Variants in THAP4 observed in about 807,000 individuals in gnomAD.
THAP4 encodes the protein peroxynitrite isomerase THAP4.
Under a neutral mutation model 48.1 loss-of-function variants are expected in THAP4, and 18 were observed. The observed-to-expected ratio is 0.37, with a 90% CI of 0.26 to 0.56. The LOEUF (loss-of-function observed/expected upper bound fraction) is 0.56, where lower values mean the gene tolerates loss of function less well. Among genes scored for constraint, THAP4 ranks in the 20% least tolerant of loss-of-function variants. The probability of loss-of-function intolerance (pLI) is 0.78; values close to 1 mark genes in which losing one functional copy is unlikely to be tolerated. For missense variants in THAP4, 656 were observed against 774.9 expected, an observed-to-expected ratio of 0.85 and a Z score of 1.82; for synonymous variants, 345 against 324.9, an observed-to-expected ratio of 1.06 and a Z score of -0.66.
intron 5 of THAP4, among the ~76,000 whole-genome samples, chr2:241,596,942 A>G (rs919866363): frequency 6.6e-6 from 1 of 152,206 alleles, no homozygotes; most frequent in Non-Finnish European, 1.5e-5. Flanking sequence ...ATGACTGTAC[A>G]CTACCATAGA....
At position 241,610,228 on chromosome 2, in the gene THAP4, G is replaced by T. The variant is rs533622899; in HGVS notation, c.1241-3755C>A. ...CGGGCTAGGGTGAGGGGCACGCGCC[G>T]CAAGTCCTGCCTCTGCTCCCGGGCG... On this transcript the variant is annotated intron_variant, in intron 2 of 5. Coordinates refer to ENST00000407315, the MANE Select transcript of THAP4 (RefSeq NM_015963.6). The surrounding 1 kb of genome is among the most constrained non-coding windows in gnomAD (Gnocchi z 4.2). Among the ~76,000 whole-genome samples, 2 of 152,160 alleles carry T rather than the reference G, an allele frequency of 1.3e-5. No individual in the cohort carries two copies. Among genetic ancestry groups the T allele is most frequent in the Non-Finnish European group, 2.9e-5 (2 of 68,008 alleles).
At chr2:241,611,724 CAAAAAAA>C (rs556777493) in intron 2 of THAP4, among the ~76,000 whole-genome samples, 3 of 97,702 alleles carry the variant, frequency 3.1e-5, no homozygotes, top group Admixed American at 1.1e-4. Flanking sequence ...ACTCTGTCTC[CAAAAAAA>C]AAAAAAAAAA....
rs1575012675 is a variant in THAP4, at chr2:241,584,534, A to G, written c.*72T>C. On this transcript the variant is annotated 3_prime_UTR_variant, in exon 6 of 6. Coordinates refer to ENST00000407315, the MANE Select transcript of THAP4 (RefSeq NM_015963.6). The stretch of plus-strand genomic sequence containing the variant: ...GGCCACACCCACTTCTGCCGCAGGG[A>G]CTGTCTGTTGAGGAGCCGAACCGTT... 1.3e-6 allele frequency: 2 copies of G among 1,559,190 alleles called. No individual in the cohort carries two copies. Among genetic ancestry groups the G allele is most frequent in the Non-Finnish European group, 1.8e-6 (2 of 1,133,188 alleles).
chr2:241,629,102 C>G (rs1307262011), intron 2 of THAP4, among the ~76,000 whole-genome samples: 2 of 151,996 alleles, frequency 1.3e-5, no homozygotes, highest in African/African-American at 4.8e-5. Context: ...CAGCCTCCAC[C>G]TAGGGAAGGT....
chr2:241,594,644 G>T, intron 5 of THAP4: 1 of 273,634 alleles, frequency 3.7e-6, no homozygotes, highest in Non-Finnish European at 7.3e-6. Context: ...TGTGGCCCCA[G>T]CTACTTGGGA....
At chr2:241,608,830 C>A (rs981016992) in intron 2 of THAP4, among the ~76,000 whole-genome samples, 1 of 152,232 alleles carries the variant, frequency 6.6e-6, no homozygotes, top group Non-Finnish European at 1.5e-5. Flanking sequence ...CCAAAAGGGA[C>A]AAGGACACCC....
chr2:241,614,225 G>A (rs964886130), intron 2 of THAP4, among the ~76,000 whole-genome samples: 2 of 151,604 alleles, frequency 1.3e-5, no homozygotes, highest in Non-Finnish European at 2.9e-5. Flanking sequence ...TGCTGTAAAT[G>A]AGAGATGCAC....
At chr2:241,587,847 G>A (rs959676523) in intron 5 of THAP4, among the ~76,000 whole-genome samples, 1 of 151,942 alleles carries the variant, frequency 6.6e-6, no homozygotes, top group African/African-American at 2.4e-5. Flanking sequence ...CTGGCGAGGT[G>A]GGGGTTGCAG....
intron 5 of THAP4, 114 bp from the exon 6 acceptor site, chr2:241,584,839 GC>G: frequency 7.2e-7 from 1 of 1,382,078 alleles, no homozygotes; most frequent in Non-Finnish European, 1.0e-6. Flanking sequence ...CCAGGCAGTG[GC>G]CCTGCCAGAG....
chr2:241,598,579 T>C (rs2067077654), intron 5 of THAP4, among the ~76,000 whole-genome samples: 1 of 152,174 alleles, frequency 6.6e-6, no homozygotes, highest in Non-Finnish European at 1.5e-5. Flanking sequence ...TCTTAGATCA[T>C]TAGGCATTAG....
intron 5 of THAP4, among the ~76,000 whole-genome samples, chr2:241,597,169 C>T (rs569926994): frequency 6.6e-6 from 1 of 152,216 alleles, no homozygotes; most frequent in East Asian, 1.9e-4. Context: ...TCGCTCTTGT[C>T]GCCCAGGCTG....
intron 1 of THAP4, among the ~76,000 whole-genome samples, chr2:241,636,320 C>T (rs2067653661): frequency 6.6e-6 from 1 of 152,250 alleles, no homozygotes; most frequent in Admixed American, 6.5e-5. Context: ...CGCGTGTAAT[C>T]CGCAGAAATC....
intron 2 of THAP4, among the ~76,000 whole-genome samples, chr2:241,609,647 C>A (rs745444534): frequency 1.3e-5 from 2 of 152,104 alleles, no homozygotes; most frequent in African/African-American, 4.8e-5. Context: ...ATTAGCCGGG[C>A]GTGGTGGCAC....
intron 2 of THAP4, among the ~76,000 whole-genome samples, chr2:241,611,056 G>A (rs1308756237): frequency 6.6e-6 from 1 of 152,180 alleles, no homozygotes; most frequent in African/African-American, 2.4e-5. Flanking sequence ...GATTTTGAGG[G>A]AAAATAGGTC....
chr2:241,628,742 A>T (rs2067523160), intron 2 of THAP4, among the ~76,000 whole-genome samples: 1 of 150,988 alleles, frequency 6.6e-6, no homozygotes, highest in Non-Finnish European at 1.5e-5. Flanking sequence ...TCTACAAAAA[A>T]AAAAACAAAA....
At chr2:241,607,619 G>A (rs538678538) in intron 2 of THAP4, among the ~76,000 whole-genome samples, 1 of 151,214 alleles carries the variant, frequency 6.6e-6, no homozygotes, top group South Asian at 2.1e-4. Flanking sequence ...CATCTACGGA[G>A]CCCAAAGATG....
At chr2:241,602,280 CT>C (rs2067124434) in intron 4 of THAP4, 4 of 476,346 alleles carry the variant, frequency 8.4e-6, no homozygotes, top group South Asian at 7.2e-5. Flanking sequence ...AGAACCACCC[CT>C]AGCACATACA....
chr2:241,637,529 C>G, upstream of THAP4: 2 of 1,443,424 alleles, frequency 1.4e-6, no homozygotes, highest in Middle Eastern at 3.7e-4. Context: ...CAGGGCGCCC[C>G]GGGGCTCGCG....
Position 241,612,430 on chromosome 2 carries a change from T to G in THAP4, c.1241-5957A>C, listed in dbSNP as rs75906855. ...GACTGCCACTCCTGGAGACATGCAC[T>G]CCCAGCAGAAATGACACACCTGTCC... On this transcript the variant is annotated intron_variant, in intron 2 of 5. Transcript: ENST00000407315. The surrounding 1 kb of genome is among the most constrained non-coding windows in gnomAD (Gnocchi z 4.1). Among the ~76,000 whole-genome samples the G allele has an allele frequency of 1.3e-5, 2 of 151,646 alleles. No individual in the cohort carries two copies. The highest frequency in any genetic ancestry group is 2.4e-5 in the African/African-American group (1 of 41,224).
Sources: allele counts gnomAD v4.1 joint callset (sites outside exome capture counted in the v4.1 genomes callset), GRCh38; gene constraint gnomAD v4.1.1; non-coding constraint Gnocchi (gnomAD v3.1); transcripts MANE v1.5; gene names NCBI Gene and HGNC (gene_info 2026-07-23, HGNC 2026-07-21).